DIS3L2: variants seen among roughly 807,000 people sequenced by gnomAD.
DIS3L2 encodes the protein DIS3 like 3'-5' exoribonuclease 2, also known as DIS3-like exonuclease 2.
Under a neutral mutation model 97.5 loss-of-function variants are expected in DIS3L2, and 34 were observed. The ratio of observed to expected loss-of-function variants is 0.35; its 90% CI spans 0.27 to 0.46. The LOEUF (loss-of-function observed/expected upper bound fraction) is 0.46. Among genes scored for constraint, DIS3L2 ranks in the 20% least tolerant of loss-of-function variants. The probability of loss-of-function intolerance (pLI) is 1.00; values close to 1 mark genes in which losing one functional copy is unlikely to be tolerated. For synonymous variants in DIS3L2, 435 were observed against 445.2 expected (o/e 0.98, Z 0.29); for missense variants, 1,038 against 1,146.0 (o/e 0.91, Z 1.36).
chr2:232,136,168 G>A (rs1451681037), intron 7 of DIS3L2, among the ~76,000 whole-genome samples: 1 of 152,144 alleles, frequency 6.6e-6, no homozygotes, highest in East Asian at 1.9e-4. Context: ...ACAAATACCT[G>A]GAGCTGTACT....
At chr2:231,962,628 G>A (rs1291021756) in intron 1 of DIS3L2, among the ~76,000 whole-genome samples, 2 of 151,974 alleles carry the variant, frequency 1.3e-5, no homozygotes, top group African/African-American at 4.8e-5. Context: ...GTAGAGACGG[G>A]GTTTCACCAT....
rs1296322162 is a variant in DIS3L2 at position 232,039,056 on chromosome 2, TTCTGTGGAGCTC to T, written c.366+8977_366+8988del. Among the ~76,000 whole-genome samples the T allele has an allele frequency of 4.6e-5, 7 of 152,334 alleles. No homozygotes were observed. The South Asian group carries it at 6.2e-4, about 14-fold the overall frequency. On this transcript the variant is annotated intron_variant, in intron 5 of 20. Coordinates refer to ENST00000325385, the MANE Select transcript of DIS3L2 (RefSeq NM_152383.5). ...AGCCCCGGGTTCCTTATTATTTTGTTTCTGTGGAGCTCCCGAGAGTCTTCACAGTGGCTGCCT... is the reference window on the plus strand; with the variant it reads ...AGCCCCGGGTTCCTTATTATTTTGTTCCGAGAGTCTTCACAGTGGCTGCCT...
intron 14 of DIS3L2, among the ~76,000 whole-genome samples, chr2:232,310,531 C>T (rs1177183771): frequency 6.6e-6 from 1 of 152,262 alleles, no homozygotes; most frequent in Non-Finnish European, 1.5e-5. Context: ...CTCTTCTCAC[C>T]TCACTCCGTG....
chr2:231,979,228 GTTTAT>G (rs985279835), intron 1 of DIS3L2, among the ~76,000 whole-genome samples: 68 of 151,906 alleles, frequency 4.5e-4, no homozygotes, highest in African/African-American at 1.2e-3. Context: ...GCCACCTACA[GTTTAT>G]TTTATTTATT....
chr2:232,334,795 G>A (rs1037801943), intron 19 of DIS3L2, 60 bp downstream of exon 19: 11 of 1,471,054 alleles, frequency 7.5e-6, no homozygotes, highest in Non-Finnish European at 1.0e-5. Context: ...CCGCACTGGA[G>A]GGGCACAGGC....
At position 232,333,736 on chromosome 2, in the gene DIS3L2, G is replaced by A. The variant is rs564169974; in HGVS notation, c.2011-104G>A. 14 of 1,466,252 alleles carry A rather than the reference G, an allele frequency of 9.5e-6. 1 individual carries two copies. In the East Asian group the frequency reaches 2.4e-4, roughly 25 times the overall value. The allele number at this position is 1,466,252 out of a possible 1,614,324, so 90.8% of individuals were successfully genotyped here. On this transcript the variant is annotated intron_variant, in intron 16 of 20. Coordinates refer to ENST00000325385, the MANE Select transcript of DIS3L2 (RefSeq NM_152383.5). ...CAGCAACCAGCAGCCCATTAGGTCTGTCCACACATCGCTGCCGACGGTGAG... is the reference window on the plus strand; with the variant it reads ...CAGCAACCAGCAGCCCATTAGGTCTATCCACACATCGCTGCCGACGGTGAG...
intron 6 of DIS3L2, among the ~76,000 whole-genome samples, chr2:232,094,216 A>G (rs1696931338): frequency 6.6e-6 from 1 of 152,124 alleles, no homozygotes; most frequent in African/African-American, 2.4e-5. Context: ...GAGTGTTTTA[A>G]GGCTTGTTTT....
intron 1 of DIS3L2, chr2:231,978,491 C>T (rs1450252535): frequency 6.6e-6 from 1 of 152,198 alleles, no homozygotes; most frequent in Non-Finnish European, 1.5e-5. Flanking sequence ...GGGCTGCTTC[C>T]ACATAGACGT....
At chr2:232,055,206 T>G (rs1318382227) in intron 5 of DIS3L2, among the ~76,000 whole-genome samples, 1 of 152,256 alleles carries the variant, frequency 6.6e-6, no homozygotes, top group African/African-American at 2.4e-5. Context: ...CTATCATTAC[T>G]TTTATTCCAT....
chr2:232,256,566 C>A (rs4973515), intron 12 of DIS3L2, among the ~76,000 whole-genome samples: 62 of 152,324 alleles, frequency 4.1e-4, no homozygotes, highest in Admixed American at 2.4e-3. Context: ...AGGTTCCAAG[C>A]CTTTTTTCTT....
At chr2:232,008,266 A>G (rs1421763900) in intron 1 of DIS3L2, among the ~76,000 whole-genome samples, 1 of 151,154 alleles carries the variant, frequency 6.6e-6, no homozygotes, top group Non-Finnish European at 1.5e-5. Flanking sequence ...GGGTTCAAGC[A>G]ATCTGCCTGT....
At chr2:232,233,003 T>C (rs1559166905) in intron 10 of DIS3L2, among the ~76,000 whole-genome samples, 1 of 151,860 alleles carries the variant, frequency 6.6e-6, no homozygotes, top group Non-Finnish European at 1.5e-5. Context: ...TCTCAAGGTG[T>C]TGGGGTGGGG....
intron 1 of DIS3L2, among the ~76,000 whole-genome samples, chr2:231,976,008 A>C (rs1243227503): frequency 6.6e-6 from 1 of 151,498 alleles, no homozygotes; most frequent in African/African-American, 2.4e-5. Flanking sequence ...ACACACACAC[A>C]CCCCTGTTTA....
intron 3 of DIS3L2, 147 bp downstream of exon 3, chr2:232,015,818 T>C (rs1488321533): frequency 1.2e-6 from 1 of 818,434 alleles, no homozygotes; most frequent in African/African-American, 1.7e-5. Flanking sequence ...ACAGAGATGA[T>C]GAGGTAACAG....
chr2:232,332,777 G>A (rs1222627151), intron 16 of DIS3L2, among the ~76,000 whole-genome samples: 2 of 152,212 alleles, frequency 1.3e-5, no homozygotes, highest in Non-Finnish European at 2.9e-5. Flanking sequence ...GACTGCTGTG[G>A]GGTGGAGTAT....
rs910373227 is a variant in DIS3L2 at position 231,983,863 on chromosome 2, T to C, written c.-94+22098T>C. 2.0e-5 allele frequency among the ~76,000 whole-genome samples: 3 copies of C among 150,988 alleles called. No individual in the cohort carries two copies. The East Asian group carries it at 5.8e-4, about 29-fold the overall frequency. On this transcript the variant is annotated intron_variant, in intron 1 of 20. Transcript: ENST00000325385. ...GAGATCACGCCACTGCCCTCCAGCC[T>C]TGGCAACAGAGTGAGACTCATCTTA...
intron 10 of DIS3L2, among the ~76,000 whole-genome samples, chr2:232,222,792 T>C (rs1321788732): frequency 6.6e-6 from 1 of 152,228 alleles, no homozygotes; most frequent in African/African-American, 2.4e-5. Context: ...TTAACTGTCC[T>C]TGTTGTATGA....
intron 13 of DIS3L2, among the ~76,000 whole-genome samples, chr2:232,284,405 CT>C (rs1460157346): frequency 6.6e-6 from 1 of 152,224 alleles, no homozygotes; most frequent in African/African-American, 2.4e-5. Context: ...CCCTGTGAGT[CT>C]GGCAGAATGT....
At chr2:232,291,942 A>G (rs1439051215) in intron 13 of DIS3L2, among the ~76,000 whole-genome samples, 1 of 152,172 alleles carries the variant, frequency 6.6e-6, no homozygotes, top group Non-Finnish European at 1.5e-5. Flanking sequence ...GAAACCTCTG[A>G]TGTGGCGTCT....
Sources: allele counts gnomAD v4.1 joint callset (sites outside exome capture counted in the v4.1 genomes callset), GRCh38; gene constraint gnomAD v4.1.1; transcripts MANE v1.5; gene names NCBI Gene and HGNC (gene_info 2026-07-23, HGNC 2026-07-21).